AMPH: variants seen among roughly 807,000 people sequenced by gnomAD.
AMPH encodes amphiphysin.
A neutral mutation model predicts 99.1 loss-of-function variants in AMPH; 49 were observed. The observed-to-expected ratio is 0.49, with a 90% CI of 0.39 to 0.63. The LOEUF (loss-of-function observed/expected upper bound fraction) is 0.63. Among genes scored for constraint, AMPH ranks in the 20% least tolerant of loss-of-function variants. The pLI, the probability that AMPH is intolerant of heterozygous loss-of-function variation, is 0.00. For synonymous variants in AMPH, 314 were observed against 317.3 expected (o/e 0.99, Z 0.11); for missense variants, 759 against 863.4 (o/e 0.88, Z 1.52).
At chr7:38,625,503 C>G (rs1422678652) in intron 1 of AMPH, among the ~76,000 whole-genome samples, 1 of 152,162 alleles carries the variant, frequency 6.6e-6, no homozygotes, top group Non-Finnish European at 1.5e-5. Flanking sequence ...TGCCACTCAT[C>G]AAAGGGTACC....
chr7:38,467,647 T>TGTGTGC (rs1787713146), intron 7 of AMPH, among the ~76,000 whole-genome samples: 1 of 149,824 alleles, frequency 6.7e-6, no homozygotes, highest in African/African-American at 2.5e-5. Context: ...AATATGTGTG[T>TGTGTGC]GTGTGTGTGT....
At chr7:38,446,248 C>T (rs1786773000) in intron 11 of AMPH, among the ~76,000 whole-genome samples, 1 of 152,198 alleles carries the variant, frequency 6.6e-6, no homozygotes, top group African/African-American at 2.4e-5. Context: ...TTCAGAAAAT[C>T]TGTCAATTTT....
intron 10 of AMPH, 34 bp downstream of exon 10, chr7:38,462,941 G>C (rs768739750): frequency 6.6e-7 from 1 of 1,520,814 alleles, no homozygotes; most frequent in Non-Finnish European, 8.8e-7. Flanking sequence ...CTCATCATGA[G>C]CTCTATCCCC....
chr7:38,525,256 G>GTATATATA (rs1225692498), intron 2 of AMPH, among the ~76,000 whole-genome samples: 3 of 64,208 alleles, frequency 4.7e-5, no homozygotes, highest in African/African-American at 2.5e-4. Context: ...GTGTGTGTGT[G>GTATATATA]TGTATATATA....
chr7:38,626,796 C>T (rs1794258808), intron 1 of AMPH, among the ~76,000 whole-genome samples: 1 of 152,094 alleles, frequency 6.6e-6, no homozygotes, highest in Non-Finnish European at 1.5e-5. Flanking sequence ...GGCTAATTAT[C>T]CAGAATCTAA....
intron 1 of AMPH, among the ~76,000 whole-genome samples, chr7:38,543,095 C>CA (rs34264805): frequency 0.56 from 77,457 of 139,274 alleles, 21,959 homozygotes; most frequent in Non-Finnish European, 0.66. Context: ...CCCTGTCCCA[C>CA]AAAAAAAAAA....
At chr7:38,506,430 C>T (rs4723763) in intron 2 of AMPH, among the ~76,000 whole-genome samples, 70,150 of 151,938 alleles carry the variant, frequency 0.46, 16,330 homozygotes, top group Admixed American at 0.49. Context: ...GGTCAAGCAA[C>T]GGAAAGAGAT....
chr7:38,414,405 C>T (rs1216324748), intron 17 of AMPH, among the ~76,000 whole-genome samples: 2 of 152,116 alleles, frequency 1.3e-5, no homozygotes, highest in Non-Finnish European at 2.9e-5. Context: ...AATTTAATTA[C>T]ACGGCATTAT....
chr7:38,429,354 C>A, intron 14 of AMPH: 1 of 1,289,722 alleles, frequency 7.8e-7, no homozygotes, highest in Non-Finnish European at 1.0e-6. Context: ...CGAAAGCAGG[C>A]TGGTGGATAA....
intron 1 of AMPH, among the ~76,000 whole-genome samples, chr7:38,552,713 C>T (rs1791221837): frequency 6.6e-6 from 1 of 152,178 alleles, no homozygotes; most frequent in South Asian, 2.1e-4. Flanking sequence ...AATTCAATAT[C>T]AGCCAGGCTC....
chr7:38,615,793 T>C (rs1204798408), intron 1 of AMPH, among the ~76,000 whole-genome samples: 2 of 152,064 alleles, frequency 1.3e-5, no homozygotes, highest in African/African-American at 4.8e-5. Context: ...TTAATACTCA[T>C]GTAGTGAAGA....
rs890228671 is a variant in AMPH, at chr7:38,568,269, T to C, written c.70-33258A>G. Among the ~76,000 whole-genome samples the C allele has an allele frequency of 1.3e-5, 2 of 151,998 alleles. 1 individual carries two copies. The highest frequency in any genetic ancestry group is 1.3e-4 in the Admixed American group (2 of 15,256). On this transcript the variant is annotated intron_variant, in intron 1 of 20. Transcript: ENST00000356264. ...TCACGAGGTCAGGAGATCGAGACCA[T>C]CTTGGCTAAAATGGTGAAACCCCGT...
chr7:38,549,169 T>A (rs1791095899), intron 1 of AMPH, among the ~76,000 whole-genome samples: 1 of 152,238 alleles, frequency 6.6e-6, no homozygotes, highest in Non-Finnish European at 1.5e-5. Context: ...ATAATTTATT[T>A]CTAGCTGCTG....
At chr7:38,566,426 C>T (rs59737856) in intron 1 of AMPH, among the ~76,000 whole-genome samples, 1,956 of 151,438 alleles carry the variant, frequency 0.013, 42 homozygotes, top group African/African-American at 0.045. Context: ...TATGCAAGGA[C>T]CTAACACCAT....
intron 2 of AMPH, among the ~76,000 whole-genome samples, chr7:38,530,437 T>C (rs908044883): frequency 6.6e-6 from 1 of 152,210 alleles, no homozygotes; most frequent in Non-Finnish European, 1.5e-5. Flanking sequence ...GGTATTTCAA[T>C]GAGGGAATGG....
At chr7:38,523,399 C>A (rs886620433) in intron 2 of AMPH, among the ~76,000 whole-genome samples, 1 of 152,078 alleles carries the variant, frequency 6.6e-6, no homozygotes, top group African/African-American at 2.4e-5. Flanking sequence ...ATAACTGATT[C>A]CAAGCTATTT....
intron 3 of AMPH, 146 bp downstream of exon 3, chr7:38,503,504 G>GGGGC (rs1554348779): frequency 5.2e-4 from 265 of 512,802 alleles, no homozygotes; most frequent in African/African-American, 1.9e-3. Flanking sequence ...GCGGGGGGGT[G>GGGGC]GGTGGTGGAA....
chr7:38,432,927 G>A (rs1167622667), intron 12 of AMPH, among the ~76,000 whole-genome samples: 2 of 152,190 alleles, frequency 1.3e-5, no homozygotes, highest in African/African-American at 4.8e-5. Context: ...GGGGAGTGAG[G>A]CCAGATGGTT....
Position 38,436,368 on chromosome 7 carries a change from C to A in AMPH, c.1038G>T (p.Lys346Asn). The A allele has an allele frequency of 1.2e-6, 2 of 1,614,118 alleles. No homozygotes were observed. Among genetic ancestry groups the A allele is most frequent in the Non-Finnish European group, 8.5e-7 (1 of 1,179,966 alleles). ...TPSQNEVPEV[K>N]KEETLLDLDF... ...CCAGATCCAGCAAAGTCTCCTCTTT[C>A]TTCACCTCAGGGACTTCATTCTGTT... is the stretch of plus-strand genomic sequence containing the variant. The change falls in exon 12 of 21, where the codon AAG becomes AAT. Residue 346 changes from lysine to asparagine, a missense_variant. Physicochemically the swap from Lys to Asn is moderately conservative, Grantham distance 94. This residue lies in a region of AMPH where 554 missense variants were observed against 575.6 expected (regional missense o/e 0.96). Transcript: ENST00000356264.
Sources: gnomAD v4.1 joint callset for allele counts (sites outside exome capture counted in the v4.1 genomes callset) on GRCh38, gnomAD v4.1.1 for gene constraint, gnomAD v4.1.1 regional missense constraint, MANE v1.5 for transcripts, NCBI Gene and HGNC (gene_info 2026-07-23, HGNC 2026-07-21) for gene names.